The following FTO variants were observed in gnomAD, a reference collection of about 807,000 sequenced individuals.
The protein encoded by FTO is FTO alpha-ketoglutarate dependent dioxygenase, also known as alpha-ketoglutarate-dependent dioxygenase FTO.
Under a neutral mutation model 63.9 loss-of-function variants are expected in FTO, and 47 were observed. The observed-to-expected ratio is 0.74, with a 90% CI of 0.58 to 0.94. FTO has a LOEUF of 0.94. Among genes scored for constraint, FTO ranks in the 40% least tolerant of loss-of-function variants. The pLI, the probability that FTO is intolerant of heterozygous loss-of-function variation, is 0.00. For synonymous variants in FTO, 207 were observed against 224.4 expected, an observed-to-expected ratio of 0.92 and a Z score of 0.69; for missense variants, 562 against 618.1, an observed-to-expected ratio of 0.91 and a Z score of 0.96.
At chr16:54,111,012 A>G (rs2086871362) in intron 8 of FTO, among the ~76,000 whole-genome samples, 1 of 152,164 alleles carries the variant, frequency 6.6e-6, no homozygotes, top group Non-Finnish European at 1.5e-5. Context: ...ACGTTGCCCC[A>G]ATTTTTTTCC....
chr16:53,830,167 G>A (rs1432060291), intron 3 of FTO, among the ~76,000 whole-genome samples: 2 of 152,180 alleles, frequency 1.3e-5, no homozygotes, highest in Non-Finnish European at 2.9e-5. Flanking sequence ...TAGGATACGT[G>A]TAATTATATA....
At chr16:54,109,960 C>G (rs72809683) in intron 8 of FTO, among the ~76,000 whole-genome samples, 79 of 152,234 alleles carry the variant, frequency 5.2e-4, no homozygotes, top group Non-Finnish European at 9.6e-4. Context: ...AATAACTTTC[C>G]CTACCCAGTA....
intron 8 of FTO, among the ~76,000 whole-genome samples, chr16:53,962,365 A>G (rs950476761): frequency 1.3e-5 from 2 of 152,120 alleles, no homozygotes; most frequent in Non-Finnish European, 2.9e-5. Context: ...CTACCTGAAG[A>G]CCACACCTGA....
intron 8 of FTO, among the ~76,000 whole-genome samples, chr16:54,075,249 G>A (rs1383328148): frequency 6.6e-6 from 1 of 152,034 alleles, no homozygotes; most frequent in African/African-American, 2.4e-5. Flanking sequence ...TAGACATGAA[G>A]TTATACTTGG....
intron 8 of FTO, among the ~76,000 whole-genome samples, chr16:53,942,714 C>T (rs1157715622): frequency 2.6e-5 from 4 of 152,192 alleles, no homozygotes; most frequent in Non-Finnish European, 5.9e-5. Context: ...GAGCTGTGTT[C>T]ACAAAAAGTG....
chr16:53,987,544 C>T (rs1459005207), intron 8 of FTO, among the ~76,000 whole-genome samples: 1 of 149,840 alleles, frequency 6.7e-6, no homozygotes. Flanking sequence ...GATTGCGCCA[C>T]TGCACTCAAG....
chr16:54,027,368 G>A (rs747059498), intron 8 of FTO, among the ~76,000 whole-genome samples: 12 of 152,036 alleles, frequency 7.9e-5, no homozygotes, highest in Non-Finnish European at 1.5e-4. Flanking sequence ...GAGTAATACT[G>A]ATTCGATTTA....
intron 8 of FTO, among the ~76,000 whole-genome samples, chr16:54,095,398 A>G (rs887356605): frequency 1.4e-5 from 2 of 147,350 alleles, no homozygotes; most frequent in Non-Finnish European, 3.0e-5. Flanking sequence ...GTCCATCACA[A>G]CCACCCCAGC....
chr16:53,811,773 C>T (rs545167717), intron 2 of FTO, among the ~76,000 whole-genome samples: 2 of 152,214 alleles, frequency 1.3e-5, no homozygotes, highest in South Asian at 2.1e-4. Flanking sequence ...CTTCTTGCTA[C>T]GTCCTCTGCT....
intron 8 of FTO, among the ~76,000 whole-genome samples, chr16:54,012,756 G>A (rs2084358231): frequency 6.6e-6 from 1 of 151,772 alleles, no homozygotes; most frequent in South Asian, 2.1e-4. Context: ...GAACAACAAA[G>A]CCTGAATGAT....
intron 8 of FTO, among the ~76,000 whole-genome samples, chr16:53,955,023 G>A (rs190354129): frequency 1.4e-4 from 22 of 152,224 alleles, no homozygotes; most frequent in Middle Eastern, 3.4e-3. Flanking sequence ...TCTCTAATTA[G>A]ACCAGTAAGA....
At chr16:53,731,607 G>A (rs1460479576) in intron 1 of FTO, among the ~76,000 whole-genome samples, 1 of 152,060 alleles carries the variant, frequency 6.6e-6, no homozygotes, top group Non-Finnish European at 1.5e-5. Flanking sequence ...TCACTCTGTA[G>A]CCCAGGCTGG....
intron 4 of FTO, among the ~76,000 whole-genome samples, chr16:53,863,487 G>A: frequency 6.6e-6 from 1 of 152,150 alleles, no homozygotes; most frequent in South Asian, 2.1e-4. Context: ...ACTTGTTTTT[G>A]TCTTTATGTG....
In FTO at chr16:53,914,041, C is replaced by T. The variant is rs577468351; in HGVS notation, c.1240-19944C>T. ...CCTGGCCACAGTCCCTCGGCCTTCT[C>T]GCATTGTCCTGCCCCAGTGGAGGAC... On this transcript the variant is annotated intron_variant, in intron 7 of 8. Transcript: ENST00000471389. Among the ~76,000 whole-genome samples the T allele has an allele frequency of 2.6e-4, 39 of 151,790 alleles. No individual in the cohort carries two copies. In the East Asian group the frequency reaches 6.6e-3, roughly 26 times the overall value.
chr16:54,081,250 G>A (rs2086133140), intron 8 of FTO, among the ~76,000 whole-genome samples: 1 of 152,140 alleles, frequency 6.6e-6, no homozygotes, highest in African/African-American at 2.4e-5. Context: ...GAGAACAGGG[G>A]CTTATGGTTA....
chr16:53,815,499 G>A (rs755845170), intron 2 of FTO, among the ~76,000 whole-genome samples: 2 of 151,942 alleles, frequency 1.3e-5, no homozygotes, highest in Non-Finnish European at 2.9e-5. Context: ...CCTGATTAGC[G>A]TTCCTCATGC....
At chr16:53,860,757 T>A (rs1019662258) in intron 4 of FTO, among the ~76,000 whole-genome samples, 1 of 151,894 alleles carries the variant, frequency 6.6e-6, no homozygotes, top group African/African-American at 2.4e-5. Context: ...TCTCCAACAC[T>A]GGGGATTACA....
At chr16:53,787,128 A>G (rs994130890) in intron 1 of FTO, among the ~76,000 whole-genome samples, 1 of 148,810 alleles carries the variant, frequency 6.7e-6, no homozygotes, top group Non-Finnish European at 1.5e-5. Context: ...AAAAAAAAAA[A>G]AAAAAAAAAA....
chr16:53,989,387 G>A (rs1251012586), intron 8 of FTO, among the ~76,000 whole-genome samples: 5 of 152,218 alleles, frequency 3.3e-5, no homozygotes, highest in African/African-American at 4.8e-5. Flanking sequence ...AAGGTGATGG[G>A]ATTTGGCAAT....
Sources: gnomAD v4.1 joint callset for allele counts (sites outside exome capture counted in the v4.1 genomes callset) on GRCh38, gnomAD v4.1.1 for gene constraint, MANE v1.5 for transcripts, NCBI Gene and HGNC (gene_info 2026-07-23, HGNC 2026-07-21) for gene names.